Variants in ESRRG observed in about 807,000 individuals in gnomAD.
The protein encoded by ESRRG is estrogen-related receptor gamma.
ESRRG carries 13 observed loss-of-function variants against 44.0 expected under a neutral mutation model. The ratio of observed to expected loss-of-function variants is 0.30; its 90% CI spans 0.19 to 0.47. ESRRG has a LOEUF of 0.47. Ranked by LOEUF, ESRRG falls within the 20% of genes least tolerant of loss-of-function variation. The probability of loss-of-function intolerance (pLI) is 1.00; values close to 1 mark genes in which losing one functional copy is unlikely to be tolerated. For synonymous variants in ESRRG, 215 were observed against 214.6 expected, an observed-to-expected ratio of 1.00 and a Z score of -0.02; for missense variants, 395 against 580.6, an observed-to-expected ratio of 0.68 and a Z score of 3.29.
chr1:216,545,618 T>C (rs893090179), intron 5 of ESRRG, among the ~76,000 whole-genome samples: 9 of 152,096 alleles, frequency 5.9e-5, no homozygotes, highest in Admixed American at 5.2e-4. Flanking sequence ...GATATTCAAA[T>C]AATAAGAAAT....
At chr1:216,793,959 A>ATTT (rs34752392) in intron 2 of ESRRG, among the ~76,000 whole-genome samples, 32 of 143,894 alleles carry the variant, frequency 2.2e-4, no homozygotes, top group African/African-American at 7.7e-4. Flanking sequence ...TTAACTAAGG[A>ATTT]TTTTTTTTTT....
intron 1 of ESRRG, among the ~76,000 whole-genome samples, chr1:216,989,287 TA>T (rs900971457): frequency 6.6e-6 from 1 of 151,558 alleles, no homozygotes; most frequent in Non-Finnish European, 1.5e-5. Context: ...TCTCCATCTC[TA>T]AAAAAATACA....
intron 1 of ESRRG, among the ~76,000 whole-genome samples, chr1:216,957,899 T>G (rs765714047): frequency 2.0e-5 from 3 of 152,164 alleles, no homozygotes; most frequent in Non-Finnish European, 4.4e-5. Context: ...TACAGGACAT[T>G]CCTATCATCC....
chr1:216,912,363 G>A (rs1305925310), intron 2 of ESRRG, among the ~76,000 whole-genome samples: 2 of 147,140 alleles, frequency 1.4e-5, no homozygotes, highest in Non-Finnish European at 3.0e-5. Flanking sequence ...GAGGGAGGGA[G>A]GGAAGGAAAG....
At chr1:216,734,932 G>A (rs1251773769) in intron 2 of ESRRG, among the ~76,000 whole-genome samples, 5 of 122,624 alleles carry the variant, frequency 4.1e-5, no homozygotes, top group South Asian at 2.5e-4. Context: ...TTTTTGAGAC[G>A]GAGTCTTCCT....
At chr1:216,632,434 TCTGA>T (rs1355094078) in intron 3 of ESRRG, among the ~76,000 whole-genome samples, 3 of 152,214 alleles carry the variant, frequency 2.0e-5, no homozygotes, top group Admixed American at 2.0e-4. Context: ...TGAGTTGAAG[TCTGA>T]CTAAGCCAAA....
At chr1:216,911,786 C>A (rs1255693198) in intron 2 of ESRRG, among the ~76,000 whole-genome samples, 1 of 151,994 alleles carries the variant, frequency 6.6e-6, no homozygotes, top group East Asian at 1.9e-4. Flanking sequence ...AAAGAAAAGA[C>A]AGGCTGGGTG....
intron 2 of ESRRG, among the ~76,000 whole-genome samples, chr1:216,920,504 G>A (rs750825430): frequency 1.3e-5 from 2 of 151,952 alleles, no homozygotes; most frequent in Admixed American, 6.6e-5. Context: ...AGAATTAGAT[G>A]AGAATATTTA....
At chr1:216,796,502 G>A (rs1041960893) in intron 2 of ESRRG, among the ~76,000 whole-genome samples, 1 of 152,184 alleles carries the variant, frequency 6.6e-6, no homozygotes, top group Non-Finnish European at 1.5e-5. Context: ...GATTGCTATT[G>A]TAGTGCCTCA....
intron 1 of ESRRG, among the ~76,000 whole-genome samples, chr1:217,053,133 TA>T (rs71303007): frequency 0.064 from 7,570 of 118,956 alleles, 430 homozygotes; most frequent in African/African-American, 0.16. Context: ...AATCCCATCT[TA>T]AAAAAAAAAA....
chr1:216,683,034 G>A (rs904368360), intron 1 of ESRRG, among the ~76,000 whole-genome samples: 54 of 152,152 alleles, frequency 3.5e-4, no homozygotes, highest in Non-Finnish European at 1.8e-4. Context: ...ACGGTGCAAC[G>A]TGTGATTTGA....
intron 2 of ESRRG, among the ~76,000 whole-genome samples, chr1:216,779,109 T>C (rs1369119809): frequency 1.6e-5 from 2 of 126,742 alleles, no homozygotes; most frequent in Admixed American, 9.9e-5. Flanking sequence ...ACTATATATA[T>C]ATATATATAA....
intron 2 of ESRRG, among the ~76,000 whole-genome samples, chr1:216,664,208 G>A (rs972389842): frequency 6.6e-6 from 1 of 152,008 alleles, no homozygotes; most frequent in South Asian, 2.1e-4. Context: ...ACAAGGCAGT[G>A]TAATGAAGGG....
At chr1:217,001,650 G>A (rs1056754593) in intron 1 of ESRRG, among the ~76,000 whole-genome samples, 1 of 152,158 alleles carries the variant, frequency 6.6e-6, no homozygotes, top group African/African-American at 2.4e-5. Context: ...CGGCAAGTCT[G>A]GTAAGCTCAA....
At chr1:216,991,652 G>T (rs1579171615) in intron 1 of ESRRG, among the ~76,000 whole-genome samples, 1 of 143,906 alleles carries the variant, frequency 6.9e-6, no homozygotes, top group Non-Finnish European at 1.5e-5. Flanking sequence ...GGGATGGGAT[G>T]GGATGGGATG....
intron 3 of ESRRG, among the ~76,000 whole-genome samples, chr1:216,584,371 C>G (rs1029474283): frequency 1.3e-5 from 2 of 151,988 alleles, no homozygotes; most frequent in Admixed American, 6.5e-5. Context: ...ATTCTCCTGC[C>G]TCAGCCTCCC....
chr1:216,960,388 A>G (rs901767567), intron 1 of ESRRG, among the ~76,000 whole-genome samples: 21 of 152,148 alleles, frequency 1.4e-4, no homozygotes, highest in African/African-American at 4.3e-4. Flanking sequence ...CCAGAAGTAA[A>G]CACCACCTCA....
chr1:216,523,490 GT>G (rs749747909), intron 5 of ESRRG, among the ~76,000 whole-genome samples: 38,977 of 126,326 alleles, frequency 0.31, 6,719 homozygotes, highest in East Asian at 0.58. Flanking sequence ...ATCAAGCACT[GT>G]TTTTTTTTTT....
At chr1:216,914,388 T>C (rs1490082349) in intron 2 of ESRRG, among the ~76,000 whole-genome samples, 2 of 152,300 alleles carry the variant, frequency 1.3e-5, no homozygotes, top group East Asian at 1.9e-4. Context: ...TGAAATACAA[T>C]GTTACTTATA....
Sources: gnomAD v4.1 joint callset for allele counts (sites outside exome capture counted in the v4.1 genomes callset) on GRCh38, gnomAD v4.1.1 for gene constraint, MANE v1.5 for transcripts, NCBI Gene and HGNC (gene_info 2026-07-23, HGNC 2026-07-21) for gene names.